NLGN1: variants seen among roughly 807,000 people sequenced by gnomAD.
NLGN1 encodes the protein neuroligin-1.
NLGN1 carries 12 observed loss-of-function variants against 65.5 expected under a neutral mutation model. The observed-to-expected ratio is 0.18, with a 90% CI of 0.12 to 0.30. NLGN1 has a LOEUF of 0.30. Ranked by LOEUF, NLGN1 falls within the 10% of genes least tolerant of loss-of-function variation. NLGN1 has a pLI of 1.00. For missense variants in NLGN1, 750 were observed against 1,007.1 expected (o/e 0.74, Z 3.46); for synonymous variants, 350 against 359.5 (o/e 0.97, Z 0.30).
intron 2 of NLGN1, among the ~76,000 whole-genome samples, chr3:173,574,144 A>G (rs139802217): frequency 6.6e-6 from 1 of 151,842 alleles, no homozygotes; most frequent in African/African-American, 2.4e-5. Flanking sequence ...AAATATATGC[A>G]GTCATAATTA....
At chr3:174,000,095 C>T (rs1296454310) in intron 4 of NLGN1, among the ~76,000 whole-genome samples, 1 of 151,878 alleles carries the variant, frequency 6.6e-6, no homozygotes, top group African/African-American at 2.4e-5. Context: ...ATTATTGTAC[C>T]AATCTTTGAT....
chr3:173,896,826 C>G (rs147588150), intron 4 of NLGN1, among the ~76,000 whole-genome samples: 65 of 152,244 alleles, frequency 4.3e-4, no homozygotes, highest in African/African-American at 1.5e-3. Context: ...TCACCTTTCC[C>G]TCAGCTAGAG....
intron 2 of NLGN1, among the ~76,000 whole-genome samples, chr3:173,440,385 A>G (rs930864891): frequency 1.3e-5 from 2 of 152,266 alleles, no homozygotes; most frequent in South Asian, 4.1e-4. Flanking sequence ...GGCACCTAGG[A>G]TGGTAAATCT....
At chr3:173,564,409 TACTA>T (rs1464010601) in intron 2 of NLGN1, among the ~76,000 whole-genome samples, 1 of 152,254 alleles carries the variant, frequency 6.6e-6, no homozygotes, top group Non-Finnish European at 1.5e-5. Flanking sequence ...CAGAGTTTGT[TACTA>T]ACTGTGTAAA....
At chr3:173,489,558 T>G (rs1728752432) in intron 2 of NLGN1, among the ~76,000 whole-genome samples, 1 of 152,224 alleles carries the variant, frequency 6.6e-6, no homozygotes. Flanking sequence ...TGTGCATGTG[T>G]CTTTATAGCA....
chr3:173,467,952 A>G (rs996379345), intron 2 of NLGN1, among the ~76,000 whole-genome samples: 1 of 152,150 alleles, frequency 6.6e-6, no homozygotes, highest in Non-Finnish European at 1.5e-5. Flanking sequence ...TTTTATTCAT[A>G]TACAAAGATG....
intron 3 of NLGN1, among the ~76,000 whole-genome samples, chr3:173,656,788 C>CA (rs1417938149): frequency 6.6e-6 from 1 of 151,932 alleles, no homozygotes; most frequent in Non-Finnish European, 1.5e-5. Context: ...TTGTTATGAA[C>CA]ACCAAAGAGG....
intron 4 of NLGN1, among the ~76,000 whole-genome samples, chr3:174,170,781 A>G (rs990008726): frequency 1.4e-4 from 21 of 152,170 alleles, no homozygotes; most frequent in African/African-American, 4.8e-4. Context: ...TCAAAGAAGA[A>G]ATTTAAGTAG....
chr3:173,405,070 T>G (rs1718374061), intron 1 of NLGN1, among the ~76,000 whole-genome samples: 1 of 152,142 alleles, frequency 6.6e-6, no homozygotes, highest in Non-Finnish European at 1.5e-5. Context: ...TAAAAAAATT[T>G]ATCCTATTCA....
chr3:173,550,451 AAATAACC>A (rs1740647102), intron 2 of NLGN1, among the ~76,000 whole-genome samples: 1 of 152,078 alleles, frequency 6.6e-6, no homozygotes, highest in African/African-American at 2.4e-5. Context: ...AAGGTAAAGG[AAATAACC>A]CACATGAATT....
At chr3:173,537,051 A>G (rs1349419231) in intron 2 of NLGN1, among the ~76,000 whole-genome samples, 1 of 152,180 alleles carries the variant, frequency 6.6e-6, no homozygotes, top group Non-Finnish European at 1.5e-5. Flanking sequence ...CCTACAGTGG[A>G]TTGGATGAGA....
intron 2 of NLGN1, among the ~76,000 whole-genome samples, chr3:173,476,659 G>A (rs894118984): frequency 7.9e-5 from 12 of 152,188 alleles, no homozygotes; most frequent in African/African-American, 2.4e-4. Context: ...TAAGGAATCT[G>A]CTTTATCCAT....
At chr3:173,445,086 G>C (rs1251729771) in intron 2 of NLGN1, among the ~76,000 whole-genome samples, 1 of 151,498 alleles carries the variant, frequency 6.6e-6, no homozygotes, top group Non-Finnish European at 1.5e-5. Flanking sequence ...GGCTAAAACG[G>C]TGAAACCCCG....
intron 3 of NLGN1, among the ~76,000 whole-genome samples, chr3:173,629,074 G>A (rs1333042693): frequency 6.6e-6 from 1 of 151,480 alleles, no homozygotes; most frequent in Non-Finnish European, 1.5e-5. Flanking sequence ...AGTAATTTTA[G>A]GATGCTTATC....
At chr3:173,499,358 T>C (rs1730604298) in intron 2 of NLGN1, among the ~76,000 whole-genome samples, 1 of 151,768 alleles carries the variant, frequency 6.6e-6, no homozygotes. Flanking sequence ...AAAGATCAGA[T>C]AGTTGTAGAT....
At chr3:173,734,881 A>G (rs779588876) in intron 3 of NLGN1, among the ~76,000 whole-genome samples, 1 of 152,130 alleles carries the variant, frequency 6.6e-6, no homozygotes, top group Non-Finnish European at 1.5e-5. Flanking sequence ...AATTGGTATT[A>G]GCAACGGCAG....
At chr3:173,794,720 A>G (rs79148374) in intron 3 of NLGN1, among the ~76,000 whole-genome samples, 219 of 152,244 alleles carry the variant, frequency 1.4e-3, no homozygotes, top group African/African-American at 5.1e-3. Flanking sequence ...AGCTTTGCAA[A>G]TTTGCTGATG....
chr3:173,939,193 A>G (rs1481304110), intron 4 of NLGN1, among the ~76,000 whole-genome samples: 1 of 152,222 alleles, frequency 6.6e-6, no homozygotes, highest in African/African-American at 2.4e-5. Context: ...GTATATATGT[A>G]TAGCCCTAAA....
intron 4 of NLGN1, among the ~76,000 whole-genome samples, chr3:173,820,181 A>AGG (rs1719974660): frequency 7.4e-6 from 1 of 135,044 alleles, no homozygotes; most frequent in Admixed American, 7.2e-5. Context: ...TCAGTCTCGA[A>AGG]AAAAAAAAAA....
Sources: gnomAD v4.1 joint callset for allele counts (sites outside exome capture counted in the v4.1 genomes callset) on GRCh38, gnomAD v4.1.1 for gene constraint, MANE v1.5 for transcripts, NCBI Gene and HGNC (gene_info 2026-07-23, HGNC 2026-07-21) for gene names.